Variants in TAF4 observed in about 807,000 individuals in gnomAD.
TAF4 encodes the protein TATA-box binding protein associated factor 4, also known as transcription initiation factor TFIID subunit 4.
TAF4 carries 9 observed loss-of-function variants against 90.3 expected under a neutral mutation model. The ratio of observed to expected loss-of-function variants is 0.10; its 90% CI spans 0.06 to 0.17. The LOEUF (loss-of-function observed/expected upper bound fraction) is 0.17, where lower values mean the gene tolerates loss of function less well. Among genes scored for constraint, TAF4 ranks in the 10% least tolerant of loss-of-function variants. The pLI is 1.00. For synonymous variants in TAF4, 818 were observed against 638.9 expected (o/e 1.28, Z -4.23); for missense variants, 1,351 against 1,370.7 (o/e 0.99, Z 0.23).
intron 14 of TAF4, among the ~76,000 whole-genome samples, chr20:61,977,189 C>T (rs1321653087): frequency 6.9e-6 from 1 of 144,208 alleles, no homozygotes; most frequent in African/African-American, 2.5e-5. Context: ...ACACACGACA[C>T]CGCCCAGCGG....
intron 14 of TAF4, among the ~76,000 whole-genome samples, chr20:61,992,233 A>C (rs376407092): frequency 2.0e-5 from 3 of 152,368 alleles, no homozygotes; most frequent in African/African-American, 7.2e-5. Context: ...TATGGTGTGT[A>C]ACAGCTAAAT....
chr20:62,051,606 G>A (rs1026802434), intron 1 of TAF4, among the ~76,000 whole-genome samples: 1 of 151,766 alleles, frequency 6.6e-6, no homozygotes, highest in African/African-American at 2.4e-5. Context: ...CCACCACCAA[G>A]AGCCCTGATC....
Position 61,975,914 on chromosome 20 carries a change from G to T in TAF4, c.*254C>A. 1 of 495,022 alleles carries T rather than the reference G, an allele frequency of 2.0e-6. No homozygotes were observed. Among genetic ancestry groups the T allele is most frequent in the East Asian group, 3.3e-5 (1 of 29,978 alleles). The allele number at this position is 495,022 out of a possible 1,614,324, so 30.7% of individuals were successfully genotyped here. ...AACGATTCCATCAGTCTTTATATAT[G>T]GCTTGTTTGGCAGGAAGGCCACTCA... On this transcript the variant is annotated 3_prime_UTR_variant, in exon 15 of 15. Transcript: ENST00000252996.
chr20:62,003,193 T>C lies in TAF4; in HGVS notation c.2453A>G (p.Asn818Ser), dbSNP rs1244982820. ...VSAQAAAAQK[N>S]KLKEPGGGSF... ...ACCTCCCCCAGGCTCCTTGAGTTTATTTTTCTGTGCAGCAGCTGCTTGTGC... is the reference window on the plus strand; with the variant it reads ...ACCTCCCCCAGGCTCCTTGAGTTTACTTTTCTGTGCAGCAGCTGCTTGTGC... Residue 818 changes from asparagine (N) to serine (S), a missense_variant, in exon 9 of 15, where the codon AAT (asparagine) becomes AGT (serine). Asn to Ser is a conservative substitution (Grantham distance 46, BLOSUM62 1). Around this residue, in one of 9 missense-constraint regions of TAF4, gnomAD observed 202 missense variants for 229.7 expected, o/e 0.88. Transcript: ENST00000252996. 3 of 1,614,218 alleles carry C rather than the reference T, an allele frequency of 1.9e-6. No individual in the cohort carries two copies. Among genetic ancestry groups the C allele is most frequent in the Non-Finnish European group, 2.5e-6 (3 of 1,180,042 alleles).
intron 4 of TAF4, 74 bp from the exon 5 acceptor site, chr20:62,009,248 A>G: frequency 7.3e-7 from 1 of 1,367,286 alleles, no homozygotes; most frequent in Non-Finnish European, 1.0e-6. Context: ...GGTTACTAAA[A>G]TATGCATATG....
Position 62,065,738 on chromosome 20 carries a change from G to C in TAF4, c.73C>G (p.Leu25Val). ...AGCTGCGACTCCAGCGAGCCCACCAGGTCGCTCACCACTTTCTCGTCCACC... is the reference window on the plus strand; with the variant it reads ...AGCTGCGACTCCAGCGAGCCCACCACGTCGCTCACCACTTTCTCGTCCACC... ...SEVDEKVVSD[L>V]VGSLESQLAA... Residue 25 changes from leucine (L) to valine (V), a missense_variant, in exon 1 of 15, where the codon CTG (leucine) becomes GTG (valine). Physicochemically the swap from Leu to Val is conservative, Grantham distance 32. This residue lies in a region of TAF4 where 782 missense variants were observed against 536.6 expected (regional missense o/e 1.46). Coordinates refer to ENST00000252996, the MANE Select transcript of TAF4 (RefSeq NM_003185.4). The C allele has an allele frequency of 2.3e-6, 3 of 1,325,390 alleles. No individual in the cohort carries two copies. The highest frequency in any genetic ancestry group is 2.9e-6 in the Non-Finnish European group (3 of 1,019,826). The allele number at this position is 1,325,390 out of a possible 1,614,324, so 82.1% of individuals were successfully genotyped here.
Position 62,065,195 on chromosome 20 carries a change from T to C in TAF4, c.616A>G (p.Asn206Asp). 1 of 1,189,062 alleles carries C rather than the reference T, an allele frequency of 8.4e-7. No individual in the cohort carries two copies. The highest frequency in any genetic ancestry group is 1.1e-6 in the Non-Finnish European group (1 of 940,124). The allele number at this position is 1,189,062 out of a possible 1,614,324, so 73.7% of individuals were successfully genotyped here. Reference protein sequence around the residue: ...QTLNGSAALLNSHHAAAPAVS... With the variant: ...QTLNGSAALLDSHHAAAPAVS... ...GCAGGTGCGGCGGCGTGGTGCGAGT[T>C]CAGCAGCGCGGCGCTCCCATTCAAA... is the stretch of plus-strand genomic sequence containing the variant. The change falls in exon 1 of 15, where the codon AAC becomes GAC. Residue 206 changes from asparagine (N) to aspartate (D), a missense_variant. Physicochemically the swap from Asn to Asp is conservative, Grantham distance 23. Around this residue, in one of 9 missense-constraint regions of TAF4, gnomAD observed 782 missense variants for 536.6 expected, o/e 1.46. Coordinates refer to ENST00000252996, the MANE Select transcript of TAF4 (RefSeq NM_003185.4).
intron 14 of TAF4, among the ~76,000 whole-genome samples, chr20:61,985,163 G>C (rs929710209): frequency 6.6e-5 from 10 of 151,978 alleles, no homozygotes; most frequent in Non-Finnish European, 1.2e-4. Context: ...CCAAGATTTG[G>C]AGGAAACCAA....
intron 1 of TAF4, among the ~76,000 whole-genome samples, chr20:62,060,547 A>C (rs2056083914): frequency 6.6e-6 from 1 of 152,220 alleles, no homozygotes; most frequent in Non-Finnish European, 1.5e-5. Context: ...GCCGCGGGGC[A>C]GGGGGCAGGG....
At chr20:61,978,058 G>A (rs2055507400) in intron 14 of TAF4, among the ~76,000 whole-genome samples, 2 of 130,770 alleles carry the variant, frequency 1.5e-5, no homozygotes, top group Admixed American at 1.5e-4. Flanking sequence ...ACCAAGGGAG[G>A]GCGCGACACC....
Position 62,000,175 on chromosome 20 carries a change from A to T in TAF4, c.2736T>A (p.Asn912Lys). The T allele has an allele frequency of 1.9e-6, 3 of 1,614,246 alleles. No individual in the cohort carries two copies. The highest frequency in any genetic ancestry group is 3.3e-5 in the Admixed American group (2 of 60,034). Residue 912 changes from asparagine to lysine, a missense_variant, in exon 11 of 15, where the codon AAT (asparagine) becomes AAA (lysine). Physicochemically the swap from Asn to Lys is moderately conservative, Grantham distance 94. Coordinates refer to ENST00000252996, the MANE Select transcript of TAF4 (RefSeq NM_003185.4). ...VSHATQQRLQ[N>K]LVEKISETAQ... is the part of the protein sequence containing the mutation. ...CTGTTTCTGATATTTTCTCTACAAGATTCTGTAGCCTTTGTTGCGTGGCAT... is the reference window on the plus strand; with the variant it reads ...CTGTTTCTGATATTTTCTCTACAAGTTTCTGTAGCCTTTGTTGCGTGGCAT...
Position 62,013,906 on chromosome 20 carries a change from GGTGTGTGTGTGT to G in TAF4, c.1521+629_1521+640del, listed in dbSNP as rs56801841. 3.9e-3 allele frequency among the ~76,000 whole-genome samples: 414 copies of G among 107,402 alleles called. 1 individual carries two copies. Among genetic ancestry groups the G allele is most frequent in the Middle Eastern group, 0.02 (4 of 198 alleles). The allele number at this position is 107,402 out of a possible 152,430, so 70.5% of individuals were successfully genotyped here. ...AGCTTCGGCCCTGAAGGCTGACGCG[GGTGTGTGTGTGT>G]GTGTGTGTGTGTGTGTGTGTGTGTG... is the stretch of plus-strand genomic sequence containing the variant. On this transcript the variant is annotated intron_variant, in intron 2 of 14. Coordinates refer to ENST00000252996, the MANE Select transcript of TAF4 (RefSeq NM_003185.4).
chr20:62,029,859 T>C (rs1429246852), intron 1 of TAF4, among the ~76,000 whole-genome samples: 1 of 151,822 alleles, frequency 6.6e-6, no homozygotes. Flanking sequence ...TGAGCCGAGA[T>C]CGCGCCACTG....
chr20:62,030,106 C>T (rs574392733), intron 1 of TAF4, among the ~76,000 whole-genome samples: 4 of 152,306 alleles, frequency 2.6e-5, no homozygotes, highest in African/African-American at 9.6e-5. Flanking sequence ...CGCAGCGGGC[C>T]AGAGCCCCGA....
At chr20:62,016,816 G>A (rs907569825) in intron 1 of TAF4, among the ~76,000 whole-genome samples, 1 of 152,032 alleles carries the variant, frequency 6.6e-6, no homozygotes, top group Non-Finnish European at 1.5e-5. Context: ...CACTGCATTC[G>A]GAGACACCTT....
At position 62,012,846 on chromosome 20, in the gene TAF4, C is replaced by T. The variant is rs753010000; in HGVS notation, c.1610G>A (p.Ser537Asn). Residue 537 changes from serine (S) to asparagine (N), a missense_variant, in exon 3 of 15, where the codon AGT becomes AAT. Transcript: ENST00000252996. ...GCCGGGCGAGCGCTGCAGGGTTGCACTGGGCTGCACCGTTGTCTGGGCCTG... is the reference window on the plus strand; with the variant it reads ...GCCGGGCGAGCGCTGCAGGGTTGCATTGGGCTGCACCGTTGTCTGGGCCTG... The part of the protein sequence containing the change: ...VSQAQTTVQP[S>N]ATLQRSPGVQ... 3 of 1,613,958 alleles carry T rather than the reference C, an allele frequency of 1.9e-6. No individual in the cohort carries two copies. The highest frequency in any genetic ancestry group is 2.5e-6 in the Non-Finnish European group (3 of 1,179,968).
chr20:61,998,903 C>T lies in TAF4; in HGVS notation c.2913+80G>A, dbSNP rs76357719. ...CAAAACATGCTCTGACCACCCAAAACCCCACTGTCTCAGTGAGCTCATCAG... is the reference window on the plus strand; with the variant it reads ...CAAAACATGCTCTGACCACCCAAAATCCCACTGTCTCAGTGAGCTCATCAG... On this transcript the variant is annotated intron_variant, in intron 12 of 14. Coordinates refer to ENST00000252996, the MANE Select transcript of TAF4 (RefSeq NM_003185.4). The T allele has an allele frequency of 2.3e-5, 36 of 1,559,916 alleles. No individual in the cohort carries two copies. The South Asian group carries it at 2.6e-4, about 11-fold the overall frequency.
intron 1 of TAF4, among the ~76,000 whole-genome samples, chr20:62,062,256 C>G (rs923898604): frequency 1.6e-4 from 24 of 152,134 alleles, no homozygotes; most frequent in African/African-American, 5.6e-4. Flanking sequence ...AAAACGGAAC[C>G]AACTAGAACA....
Position 62,064,563 on chromosome 20 carries a change from G to A in TAF4, c.1248C>T (p.Pro416=). 6.6e-7 allele frequency: 1 copy of A among 1,516,964 alleles called. No individual in the cohort carries two copies. The highest frequency in any genetic ancestry group is 2.6e-5 in the East Asian group (1 of 37,982). The allele number at this position is 1,516,964 out of a possible 1,614,324, so 94.0% of individuals were successfully genotyped here. A position where few individuals can be genotyped will look rare whatever the true frequency, so the allele number is the denominator to read the frequency against. The change falls in exon 1 of 15, where the codon CCC becomes CCT. Residue 416 remains proline, a synonymous_variant. Transcript: ENST00000252996. Reference sequence around the variant, plus strand: ...CCCGAATCCCGCTGGTGGTGGCCGTGGGCGTCCGGGACAGGCTCTGGGTCA... The same window carrying A: ...CCCGAATCCCGCTGGTGGTGGCCGTAGGCGTCCGGGACAGGCTCTGGGTCA... ...GAVTQSLSRT[P]TATTSGIRAT...
Sources: gnomAD v4.1 joint callset for allele counts (sites outside exome capture counted in the v4.1 genomes callset) on GRCh38, gnomAD v4.1.1 for gene constraint, gnomAD v4.1.1 regional missense constraint, MANE v1.5 for transcripts, NCBI Gene and HGNC (gene_info 2026-07-23, HGNC 2026-07-21) for gene names.